The following PRKCA variants were observed in gnomAD, a reference collection of about 807,000 sequenced individuals.
PRKCA encodes the protein protein kinase C alpha, also known as protein kinase C alpha type.
Under a neutral mutation model 87.0 loss-of-function variants are expected in PRKCA, and 27 were observed. That is an observed-to-expected ratio of 0.31 (90% CI 0.23 to 0.43). The LOEUF is 0.43. PRKCA is among the 20% of genes least tolerant of loss of function. The pLI, the probability that PRKCA is intolerant of heterozygous loss-of-function variation, is 1.00. For missense variants in PRKCA, 518 were observed against 852.3 expected, an observed-to-expected ratio of 0.61 and a Z score of 4.88; for synonymous variants, 329 against 311.1, an observed-to-expected ratio of 1.06 and a Z score of -0.61.
At chr17:66,428,244 G>A (rs11658930) in intron 2 of PRKCA, among the ~76,000 whole-genome samples, 79,567 of 152,044 alleles carry the variant, frequency 0.52, 23,308 homozygotes, top group Non-Finnish European at 0.67. Context: ...TGATGGCAGG[G>A]ATGTGTGATT....
chr17:66,626,471 C>T (rs1475440522), intron 3 of PRKCA, among the ~76,000 whole-genome samples: 1 of 151,680 alleles, frequency 6.6e-6, no homozygotes, highest in African/African-American at 2.4e-5. Context: ...ATGCCATTCT[C>T]CTGCCTCAGC....
At chr17:66,583,015 T>C (rs996554775) in intron 3 of PRKCA, among the ~76,000 whole-genome samples, 1 of 152,176 alleles carries the variant, frequency 6.6e-6, no homozygotes, top group African/African-American at 2.4e-5. Context: ...AGTTTTCTCC[T>C]CTGTGAAATG....
intron 2 of PRKCA, among the ~76,000 whole-genome samples, chr17:66,352,858 G>A (rs565302553): frequency 2.6e-5 from 4 of 151,582 alleles, no homozygotes; most frequent in East Asian, 1.9e-4. Context: ...CACCGTGCCC[G>A]GCCTGAGTTG....
At chr17:66,389,223 T>C (rs1480687221) in intron 2 of PRKCA, among the ~76,000 whole-genome samples, 1 of 152,102 alleles carries the variant, frequency 6.6e-6, no homozygotes, top group Non-Finnish European at 1.5e-5. Context: ...GTTCTTAGGG[T>C]AAATATCTGT....
intron 8 of PRKCA, among the ~76,000 whole-genome samples, chr17:66,722,934 T>G (rs1973649335): frequency 6.6e-6 from 1 of 152,250 alleles, no homozygotes; most frequent in African/African-American, 2.4e-5. Context: ...TTTAAAAATT[T>G]GTGCCATTTT....
chr17:66,775,007 T>G (rs1018944640), intron 14 of PRKCA: 1 of 985,436 alleles, frequency 1.0e-6, no homozygotes, highest in Non-Finnish European at 1.2e-6. Flanking sequence ...TCAGGGTGAA[T>G]CGTACTATCT....
chr17:66,760,507 G>A (rs936519869), intron 13 of PRKCA, among the ~76,000 whole-genome samples: 5 of 152,044 alleles, frequency 3.3e-5, no homozygotes, highest in Non-Finnish European at 2.9e-5. Context: ...AGAAAGAAGA[G>A]CAAATTAAAT....
At chr17:66,716,435 T>G (rs1294756491) in intron 8 of PRKCA, among the ~76,000 whole-genome samples, 2 of 152,116 alleles carry the variant, frequency 1.3e-5, no homozygotes, top group African/African-American at 4.8e-5. Flanking sequence ...CAGACGCAAG[T>G]GTGCCATCAG....
intron 3 of PRKCA, among the ~76,000 whole-genome samples, chr17:66,521,065 A>G (rs1967143417): frequency 6.6e-6 from 1 of 152,110 alleles, no homozygotes. Flanking sequence ...GACTCTGGGC[A>G]TCTGTCCACT....
intron 2 of PRKCA, among the ~76,000 whole-genome samples, chr17:66,458,479 T>A (rs1431043017): frequency 1.3e-5 from 1 of 75,914 alleles, no homozygotes; most frequent in African/African-American, 6.8e-5. Context: ...TTTATCTCTT[T>A]ATTTTCCTTT....
In PRKCA at chr17:66,443,698, T is replaced by C. The variant is rs75888915; in HGVS notation, c.206-52503T>C. On this transcript the variant is annotated intron_variant, in intron 2 of 16. Transcript: ENST00000413366. ...CTGAATGGTAGTCCTCACGATGACATGTGTGGCCCATTTAATGAGAGAAGT... is the reference window on the plus strand; with the variant it reads ...CTGAATGGTAGTCCTCACGATGACACGTGTGGCCCATTTAATGAGAGAAGT... 6.3e-3 allele frequency among the ~76,000 whole-genome samples: 951 copies of C among 152,126 alleles called. 13 individuals carry two copies. Among genetic ancestry groups the C allele is most frequent in the African/African-American group, 0.02 (847 of 41,486 alleles).
At chr17:66,508,822 T>C (rs904471167) in intron 3 of PRKCA, among the ~76,000 whole-genome samples, 17 of 152,328 alleles carry the variant, frequency 1.1e-4, no homozygotes, top group Middle Eastern at 6.8e-3. Context: ...GTCTTTCATA[T>C]TGCCACCCCG....
At chr17:66,664,552 G>A (rs532353945) in intron 5 of PRKCA, among the ~76,000 whole-genome samples, 3 of 151,564 alleles carry the variant, frequency 2.0e-5, no homozygotes, top group East Asian at 3.9e-4. Flanking sequence ...AAATCTCTTA[G>A]CCTTGACATC....
intron 16 of PRKCA, among the ~76,000 whole-genome samples, chr17:66,789,794 T>G (rs998733311): frequency 5.9e-5 from 9 of 152,210 alleles, no homozygotes; most frequent in Non-Finnish European, 5.9e-5. Context: ...GCCCTGACGC[T>G]GATGCTGTGG....
In PRKCA at chr17:66,566,480, G is replaced by GTTTTT. The variant is rs56912157; in HGVS notation, c.288+70215_288+70219dup. Among the ~76,000 whole-genome samples the GTTTTT allele has an allele frequency of 2.0e-3, 191 of 97,022 alleles. 2 individuals carry two copies. Among genetic ancestry groups the GTTTTT allele is most frequent in the African/African-American group, 2.0e-3 (55 of 27,068 alleles). The allele number at this position is 97,022 out of a possible 152,430, so 63.7% of individuals were successfully genotyped here. A position where few individuals can be genotyped will look rare whatever the true frequency, so the allele number is the denominator to read the frequency against. ...TGTGAAGAACTGTTGTTGTTTTTTG[G>GTTTTT]TTTTTTTTTTTTTTTTTTTTTTGCA... is the stretch of plus-strand genomic sequence containing the variant. On this transcript the variant is annotated intron_variant, in intron 3 of 16. Transcript: ENST00000413366.
At chr17:66,788,149 A>G (rs868387049) in intron 15 of PRKCA, among the ~76,000 whole-genome samples, 4 of 152,342 alleles carry the variant, frequency 2.6e-5, no homozygotes, top group Admixed American at 6.5e-5. Flanking sequence ...AGGCTTAGTA[A>G]GATGGAGTAC....
chr17:66,768,601 G>A (rs199865439), intron 13 of PRKCA, among the ~76,000 whole-genome samples: 4 of 152,304 alleles, frequency 2.6e-5, no homozygotes, highest in Non-Finnish European at 4.4e-5. Context: ...CAATCATGGC[G>A]GAAGGCAGAG....
chr17:66,483,312 T>C (rs1263650833), intron 2 of PRKCA, among the ~76,000 whole-genome samples: 1 of 151,938 alleles, frequency 6.6e-6, no homozygotes, highest in Non-Finnish European at 1.5e-5. Context: ...GTTCCATGAC[T>C]CCCCCTGGCT....
At chr17:66,692,999 CCTT>C (rs1439825125) in intron 8 of PRKCA, among the ~76,000 whole-genome samples, 2 of 152,220 alleles carry the variant, frequency 1.3e-5, no homozygotes, top group Non-Finnish European at 2.9e-5. Context: ...GTTTTCGAAT[CCTT>C]CTCCAAAAAT....
Sources: gnomAD v4.1 joint callset for allele counts (sites outside exome capture counted in the v4.1 genomes callset) on GRCh38, gnomAD v4.1.1 for gene constraint, MANE v1.5 for transcripts, NCBI Gene and HGNC (gene_info 2026-07-23, HGNC 2026-07-21) for gene names.